The following CENPK variants were observed in gnomAD, a reference collection of about 807,000 sequenced individuals.
The protein encoded by CENPK is SoxLZ/Sox6-binding protein Solt.
A neutral mutation model predicts 40.9 loss-of-function variants in CENPK; 46 were observed. That is an observed-to-expected ratio of 1.13 (90% CI 0.89 to 1.44). CENPK has a LOEUF of 1.44. Among genes scored for constraint, CENPK ranks in the 40% most tolerant of loss-of-function variants. The pLI, the probability that CENPK is intolerant of heterozygous loss-of-function variation, is 0.00. For missense variants in CENPK, 288 were observed against 303.5 expected (o/e 0.95, Z 0.38); for synonymous variants, 107 against 104.4 (o/e 1.02, Z -0.15).
At chr5:65,561,611 CA>C (rs1322784354) in intron 1 of CENPK, 47 bp from the exon 2 acceptor site, 10 of 419,352 alleles carry the variant, frequency 2.4e-5, no homozygotes, top group Non-Finnish European at 4.8e-5. Context: ...CACACACACA[CA>C]CACACACTTA....
chr5:65,545,909 T>A (rs910996209), intron 5 of CENPK, among the ~76,000 whole-genome samples: 3 of 152,192 alleles, frequency 2.0e-5, no homozygotes, highest in Non-Finnish European at 4.4e-5. Flanking sequence ...AATTGTGAGA[T>A]AATAAATGTA....
intron 6 of CENPK, among the ~76,000 whole-genome samples, chr5:65,530,176 T>C (rs1180343285): frequency 6.6e-6 from 1 of 152,194 alleles, no homozygotes; most frequent in Admixed American, 6.5e-5. Flanking sequence ...ATTCAATCAA[T>C]TATTCAATCA....
At chr5:65,521,640 G>T in intron 9 of CENPK, 112 bp from the exon 10 acceptor site, 2 of 766,274 alleles carry the variant, frequency 2.6e-6, no homozygotes, top group Non-Finnish European at 4.3e-6. Flanking sequence ...CATTCTTGGC[G>T]CCCAGGCTGG....
intron 6 of CENPK, among the ~76,000 whole-genome samples, chr5:65,542,020 A>C (rs979784249): frequency 2.6e-5 from 4 of 152,188 alleles, no homozygotes; most frequent in African/African-American, 9.7e-5. Flanking sequence ...TCCTCACAAG[A>C]TGGAAGGGGA....
chr5:65,549,600 C>T (rs62369011), intron 5 of CENPK, among the ~76,000 whole-genome samples: 40,337 of 152,136 alleles, frequency 0.27, 5,961 homozygotes, highest in South Asian at 0.35. Context: ...AACTTGTTGA[C>T]GCTTCTGCCT....
intron 6 of CENPK, among the ~76,000 whole-genome samples, chr5:65,535,396 T>A (rs1264190962): frequency 2.0e-5 from 3 of 152,230 alleles, no homozygotes; most frequent in African/African-American, 7.2e-5. Flanking sequence ...AATACTCTAC[T>A]TGATGAGCAT....
chr5:65,529,789 G>T (rs943034408), intron 6 of CENPK: 2 of 151,080 alleles, frequency 1.3e-5, no homozygotes, highest in African/African-American at 4.9e-5. Context: ...CCCGGCCCAG[G>T]TACCTTTTCT....
At chr5:65,538,102 C>T (rs1335016681) in intron 6 of CENPK, among the ~76,000 whole-genome samples, 3 of 152,016 alleles carry the variant, frequency 2.0e-5, no homozygotes, top group African/African-American at 4.8e-5. Context: ...TTATAGCCAT[C>T]CTAGACGGTG....
At chr5:65,537,469 T>A (rs950753904) in intron 6 of CENPK, among the ~76,000 whole-genome samples, 5 of 152,100 alleles carry the variant, frequency 3.3e-5, no homozygotes, top group Admixed American at 1.3e-4. Flanking sequence ...CACGCCCAGC[T>A]AATTTTTTTG....
At chr5:65,521,840 G>T (rs908207888) in intron 9 of CENPK, among the ~76,000 whole-genome samples, 3 of 152,162 alleles carry the variant, frequency 2.0e-5, no homozygotes, top group African/African-American at 7.2e-5. Context: ...ACCCTCAGGT[G>T]ATCTGCCCAC....
the CENPK span, among the ~76,000 whole-genome samples, chr5:65,499,330 T>C: frequency 2.6e-5 from 4 of 151,184 alleles, no homozygotes; most frequent in East Asian, 1.9e-4. Context: ...CGTTGAGCAA[T>C]TGAAAAACAT....
At chr5:65,496,615 A>G in the CENPK span, among the ~76,000 whole-genome samples, 4 of 152,212 alleles carry the variant, frequency 2.6e-5, 1 homozygote, top group Non-Finnish European at 5.9e-5. Flanking sequence ...CATATTTTCT[A>G]GCACATGTCA....
the CENPK span, among the ~76,000 whole-genome samples, chr5:65,507,613 G>T: frequency 5.3e-5 from 8 of 152,072 alleles, no homozygotes; most frequent in East Asian, 1.9e-4. Context: ...GCTTCAGTCT[G>T]CCCCATCTAC....
intron 6 of CENPK, among the ~76,000 whole-genome samples, chr5:65,532,370 T>C (rs1485071827): frequency 1.3e-5 from 2 of 152,148 alleles, no homozygotes; most frequent in African/African-American, 4.8e-5. Context: ...ACAAACTCTT[T>C]TGAAGAGGAG....
chr5:65,535,846 T>C (rs1746795972), intron 6 of CENPK, among the ~76,000 whole-genome samples: 1 of 152,158 alleles, frequency 6.6e-6, no homozygotes, highest in South Asian at 2.1e-4. Flanking sequence ...ACAAATGAGA[T>C]TTCCTATAAC....
At chr5:65,556,890 T>C (rs1312099078) in intron 2 of CENPK, among the ~76,000 whole-genome samples, 1 of 152,242 alleles carries the variant, frequency 6.6e-6, no homozygotes, top group Non-Finnish European at 1.5e-5. Flanking sequence ...TACAATTACC[T>C]ACGGTATTCA....
chr5:65,506,051 A>C, the CENPK span, among the ~76,000 whole-genome samples: 1 of 152,074 alleles, frequency 6.6e-6, no homozygotes, highest in East Asian at 1.9e-4. Flanking sequence ...TTCATAACCT[A>C]ATTTTGGTTC....
chr5:65,541,737 T>C (rs1479614526), intron 6 of CENPK, among the ~76,000 whole-genome samples: 1 of 152,200 alleles, frequency 6.6e-6, no homozygotes, highest in Non-Finnish European at 1.5e-5. Flanking sequence ...CTCACAGCAA[T>C]GTAGGCCTTT....
chr5:65,518,679 C>A, intron 10 of CENPK, 46 bp from the exon 11 acceptor site: 1 of 1,294,504 alleles, frequency 7.7e-7, no homozygotes, highest in Admixed American at 2.2e-5. Context: ...GGGAAAAAGT[C>A]AATATAGCTA....
Sources: allele counts gnomAD v4.1 joint callset (sites outside exome capture counted in the v4.1 genomes callset), GRCh38; gene constraint gnomAD v4.1.1; transcripts MANE v1.5; gene names NCBI Gene and HGNC (gene_info 2026-07-23, HGNC 2026-07-21).